Variants in CFAP54 observed in about 807,000 individuals in gnomAD.
CFAP54 encodes the protein cilia- and flagella-associated protein 54.
In CFAP54, 290 loss-of-function variants were observed where a neutral mutation model predicts 370.4. The observed-to-expected ratio is 0.78, with a 90% CI of 0.71 to 0.86. The LOEUF is 0.86. Among genes scored for constraint, CFAP54 ranks in the 40% least tolerant of loss-of-function variants. The pLI is 0.00. For synonymous variants in CFAP54, 1,206 were observed against 1,236.5 expected, an observed-to-expected ratio of 0.98 and a Z score of 0.52; for missense variants, 3,399 against 3,528.7, an observed-to-expected ratio of 0.96 and a Z score of 0.93.
intron 55 of CFAP54, among the ~76,000 whole-genome samples, chr12:96,749,444 A>T (rs1958158456): frequency 6.6e-6 from 1 of 152,218 alleles, no homozygotes; most frequent in African/African-American, 2.4e-5. Context: ...CATTCAGGGG[A>T]TAATAATGGC....
intron 55 of CFAP54, 23 bp downstream of exon 55, chr12:96,744,169 T>G (rs767295835): frequency 6.4e-7 from 1 of 1,573,592 alleles, no homozygotes. Context: ...AAACTTATAT[T>G]GCCCTAGAAT....
At chr12:96,726,796 T>G (rs1169785141) in intron 50 of CFAP54, among the ~76,000 whole-genome samples, 1 of 152,102 alleles carries the variant, frequency 6.6e-6, no homozygotes, top group Non-Finnish European at 1.5e-5. Flanking sequence ...CTTTCCTGCT[T>G]TCTCTTGTGG....
At chr12:96,545,519 G>T (rs964452308) in intron 14 of CFAP54, among the ~76,000 whole-genome samples, 1 of 152,060 alleles carries the variant, frequency 6.6e-6, no homozygotes, top group Non-Finnish European at 1.5e-5. Context: ...AAAGTCACCA[G>T]TCCCGCTCCC....
intron 22 of CFAP54, among the ~76,000 whole-genome samples, chr12:96,587,649 C>G (rs1293754823): frequency 1.3e-5 from 2 of 152,092 alleles, no homozygotes; most frequent in Non-Finnish European, 2.9e-5. Flanking sequence ...GCAATGTTAA[C>G]TGATGGAACA....
At chr12:96,596,895 G>A (rs1956185814) in intron 25 of CFAP54, among the ~76,000 whole-genome samples, 1 of 152,054 alleles carries the variant, frequency 6.6e-6, no homozygotes, top group Admixed American at 6.6e-5. Context: ...GCAAATCCAA[G>A]TGAGTGAGAA....
intron 58 of CFAP54, among the ~76,000 whole-genome samples, chr12:96,761,163 T>C (rs1298236464): frequency 6.6e-6 from 1 of 152,202 alleles, no homozygotes; most frequent in Non-Finnish European, 1.5e-5. Context: ...CCCATGCTAG[T>C]AGGTATGAAG....
rs143343138 is a variant in CFAP54, at chr12:96,573,073, A to G, written c.2620-3512A>G. On this transcript the variant is annotated intron_variant, in intron 19 of 67. Coordinates refer to ENST00000524981, the MANE Select transcript of CFAP54 (RefSeq NM_001306084.2). ...GAGGTCAAAGGCAGTCTGCTTGACT[A>G]TAAGGGCCAGTGGGCCAGTGCTGCT... 3.4e-4 allele frequency: 332 copies of G among 980,638 alleles called. 2 individuals carry two copies. The highest frequency in any genetic ancestry group is 2.6e-3 in the Admixed American group (43 of 16,274). The allele number at this position is 980,638 out of a possible 1,614,324, so 60.7% of individuals were successfully genotyped here.
intron 12 of CFAP54, 67 bp from the exon 13 acceptor site, chr12:96,538,317 C>A: frequency 7.6e-7 from 1 of 1,310,900 alleles, no homozygotes; most frequent in Admixed American, 2.2e-5. Context: ...TTTCTCAGCA[C>A]ACAGTAAATG....
chr12:96,775,624 C>T (rs1166460895), intron 60 of CFAP54, among the ~76,000 whole-genome samples: 3 of 152,194 alleles, frequency 2.0e-5, no homozygotes, highest in Admixed American at 1.3e-4. Flanking sequence ...CTGGACAAGG[C>T]GAACAGAGGT....
chr12:96,805,753 G>C (rs1958871024), intron 63 of CFAP54, among the ~76,000 whole-genome samples: 1 of 151,908 alleles, frequency 6.6e-6, no homozygotes. Context: ...ATATCCAAAG[G>C]GAAATAAATT....
At chr12:96,723,271 T>A (rs1957780836) in intron 50 of CFAP54, among the ~76,000 whole-genome samples, 1 of 152,028 alleles carries the variant, frequency 6.6e-6, no homozygotes, top group Non-Finnish European at 1.5e-5. Context: ...ATGAGCTCCG[T>A]TAGGGGGTAT....
chr12:96,784,692 AC>A, intron 60 of CFAP54, 24 bp from the exon 61 acceptor site: 1 of 1,465,326 alleles, frequency 6.8e-7, no homozygotes, highest in Non-Finnish European at 9.0e-7. Context: ...ATATTGTATT[AC>A]AAAAAAAAGT....
intron 63 of CFAP54, among the ~76,000 whole-genome samples, chr12:96,794,001 G>C (rs1958731870): frequency 6.6e-6 from 1 of 152,102 alleles, no homozygotes; most frequent in South Asian, 2.1e-4. Context: ...ATGAAGCTTA[G>C]TTTCACTGGG....
intron 9 of CFAP54, among the ~76,000 whole-genome samples, chr12:96,531,243 A>G (rs1041836274): frequency 2.0e-5 from 3 of 152,110 alleles, no homozygotes; most frequent in Non-Finnish European, 2.9e-5. Context: ...AAGTTTCTTT[A>G]AGATTTTGAT....
chr12:96,699,083 T>G (rs1486443602), intron 45 of CFAP54, among the ~76,000 whole-genome samples: 1 of 152,064 alleles, frequency 6.6e-6, no homozygotes, highest in Non-Finnish European at 1.5e-5. Context: ...TGAAGTAAGT[T>G]AAAAAGGTTA....
At chr12:96,728,709 G>T (rs372445100) in intron 50 of CFAP54, among the ~76,000 whole-genome samples, 6 of 152,146 alleles carry the variant, frequency 3.9e-5, no homozygotes, top group African/African-American at 1.4e-4. Context: ...GCTTTGTTCC[G>T]TTGCTGGTGA....
chr12:96,861,861 A>G (rs987773772), intron 67 of CFAP54, among the ~76,000 whole-genome samples: 1 of 152,184 alleles, frequency 6.6e-6, no homozygotes, highest in African/African-American at 2.4e-5. Context: ...CATTTTGTCT[A>G]GTGTCTAAAA....
At chr12:96,638,184 C>CATATAT (rs61605059) in intron 32 of CFAP54, among the ~76,000 whole-genome samples, 2,436 of 137,540 alleles carry the variant, frequency 0.018, 47 homozygotes, top group Non-Finnish European at 0.026. Context: ...TTAGCTGCAT[C>CATATAT]ATATATATAT....
chr12:96,684,528 C>G (rs1028677344), intron 40 of CFAP54, 120 bp from the exon 41 acceptor site: 1 of 714,632 alleles, frequency 1.4e-6, no homozygotes, highest in Non-Finnish European at 2.4e-6. Flanking sequence ...TGTTAACTTG[C>G]AGTTTGCTTA....
Sources: gnomAD v4.1 joint callset for allele counts (sites outside exome capture counted in the v4.1 genomes callset) on GRCh38, gnomAD v4.1.1 for gene constraint, MANE v1.5 for transcripts, NCBI Gene and HGNC (gene_info 2026-07-23, HGNC 2026-07-21) for gene names.